The following SLC8A1 variants were observed in gnomAD, a reference collection of about 807,000 sequenced individuals.
SLC8A1 encodes the protein solute carrier family 8 member A1, also known as sodium/calcium exchanger 1.
A neutral mutation model predicts 68.3 loss-of-function variants in SLC8A1; 18 were observed. The ratio of observed to expected loss-of-function variants is 0.26; its 90% CI spans 0.18 to 0.39. The LOEUF (loss-of-function observed/expected upper bound fraction) is 0.39. Ranked by LOEUF, SLC8A1 falls within the 10% of genes least tolerant of loss-of-function variation. The pLI is 1.00. For synonymous variants in SLC8A1, 475 were observed against 415.5 expected (o/e 1.14, Z -1.74); for missense variants, 985 against 1,156.7 (o/e 0.85, Z 2.15).
intron 2 of SLC8A1, among the ~76,000 whole-genome samples, chr2:40,284,112 C>G (rs1342776972): frequency 6.6e-6 from 1 of 152,016 alleles, no homozygotes; most frequent in African/African-American, 2.4e-5. Flanking sequence ...AAGTCTTGCA[C>G]ACGAATTACA....
At chr2:40,503,487 G>C (rs914293505) in intron 1 of SLC8A1, among the ~76,000 whole-genome samples, 3 of 151,950 alleles carry the variant, frequency 2.0e-5, no homozygotes, top group African/African-American at 7.2e-5. Flanking sequence ...GATATAAAGG[G>C]CATCCATATT....
At chr2:40,278,573 G>A (rs1471747072) in intron 2 of SLC8A1, among the ~76,000 whole-genome samples, 4 of 152,158 alleles carry the variant, frequency 2.6e-5, no homozygotes, top group Non-Finnish European at 5.9e-5. Context: ...TCATTCACAT[G>A]TGCAAATAAA....
intron 2 of SLC8A1, among the ~76,000 whole-genome samples, chr2:40,306,069 C>T (rs1426611244): frequency 1.3e-5 from 2 of 152,156 alleles, no homozygotes; most frequent in Non-Finnish European, 2.9e-5. Context: ...ACTGTCTATT[C>T]TGGGATGCTC....
chr2:40,430,266 C>T, exon 2 of SLC8A1: 1 of 1,610,728 alleles, frequency 6.2e-7, no homozygotes, highest in South Asian at 1.1e-5. Flanking sequence ...GACTTAATCG[C>T]CGCATGTTGT....
intron 2 of SLC8A1, among the ~76,000 whole-genome samples, chr2:40,236,373 T>C (rs1460249138): frequency 1.3e-5 from 2 of 152,208 alleles, no homozygotes; most frequent in African/African-American, 4.8e-5. Context: ...TTTGTCTCTT[T>C]TGATCTTTGT....
At chr2:40,191,826 A>T (rs1032037463) in intron 2 of SLC8A1, among the ~76,000 whole-genome samples, 1 of 152,078 alleles carries the variant, frequency 6.6e-6, no homozygotes, top group South Asian at 2.1e-4. Context: ...GCGAATCTTC[A>T]CCCCTATTTC....
intron 1 of SLC8A1, among the ~76,000 whole-genome samples, chr2:40,498,930 G>T (rs1016431924): frequency 1.3e-5 from 2 of 151,916 alleles, no homozygotes; most frequent in African/African-American, 4.8e-5. Context: ...CTGTCAACTC[G>T]CTCAACATAC....
chr2:40,203,459 T>G lies in SLC8A1; in HGVS notation c.1809-25604A>C, dbSNP rs1301516685. ...TGCCAGCAAAACCTAAACAGAAATG[T>G]TTTACATCCATAAACTACTCCCAAA... On this transcript the variant is annotated intron_variant, in intron 2 of 7. Coordinates refer to ENST00000406785, the Ensembl canonical transcript of SLC8A1. 4.6e-5 allele frequency among the ~76,000 whole-genome samples: 7 copies of G among 151,976 alleles called. No homozygotes were observed. The East Asian group carries it at 1.2e-3, about 25-fold the overall frequency.
chr2:40,322,906 T>C (rs1028659243), intron 2 of SLC8A1, among the ~76,000 whole-genome samples: 12 of 151,898 alleles, frequency 7.9e-5, no homozygotes, highest in Non-Finnish European at 4.4e-5. Context: ...CTCTCTCTGG[T>C]AGGTTTTATA....
At chr2:40,311,813 A>G (rs1396624723) in intron 2 of SLC8A1, among the ~76,000 whole-genome samples, 1 of 152,120 alleles carries the variant, frequency 6.6e-6, no homozygotes, top group Non-Finnish European at 1.5e-5. Context: ...AGACTGGTTC[A>G]TTATCAGTTT....
intron 2 of SLC8A1, among the ~76,000 whole-genome samples, chr2:40,245,459 C>G (rs1037075862): frequency 1.3e-5 from 2 of 152,166 alleles, no homozygotes; most frequent in African/African-American, 4.8e-5. Flanking sequence ...GGCATTTTCT[C>G]AGGACAGAGT....
At position 40,216,749 on chromosome 2, in the gene SLC8A1, A is replaced by G. The variant is rs1483160009; in HGVS notation, c.1809-38894T>C. On this transcript the variant is annotated intron_variant, in intron 2 of 7. Coordinates refer to ENST00000406785, the Ensembl canonical transcript of SLC8A1. ...GGTTTTGATTTGCATTTCTCTAATG[A>G]CCAGTGATGTTGGGCTTCTTTTCAT... is the stretch of plus-strand genomic sequence containing the variant. Among the ~76,000 whole-genome samples the G allele has an allele frequency of 3.3e-5, 5 of 152,322 alleles. No individual in the cohort carries two copies. In the East Asian group the frequency reaches 9.6e-4, roughly 29 times the overall value.
intron 2 of SLC8A1, among the ~76,000 whole-genome samples, chr2:40,338,119 C>T (rs965557372): frequency 1.3e-5 from 2 of 152,068 alleles, no homozygotes; most frequent in Non-Finnish European, 2.9e-5. Flanking sequence ...TTCTCCCTCT[C>T]CCTCTCTCTC....
At chr2:40,476,748 CAGGGATAGATCATATAGGG>C (rs1704317582) in intron 1 of SLC8A1, among the ~76,000 whole-genome samples, 3 of 152,118 alleles carry the variant, frequency 2.0e-5, no homozygotes, top group African/African-American at 7.2e-5. Context: ...TGGCATAGCT[CAGGGATAGATCATATAGGG>C]CCTTGAACAC....
chr2:40,481,467 G>C (rs546015130), intron 1 of SLC8A1, among the ~76,000 whole-genome samples: 7 of 152,142 alleles, frequency 4.6e-5, no homozygotes, highest in Non-Finnish European at 7.4e-5. Context: ...ATAAAAATAA[G>C]AGTGTCACTT....
At chr2:40,344,290 C>A (rs1449354532) in intron 2 of SLC8A1, among the ~76,000 whole-genome samples, 1 of 152,108 alleles carries the variant, frequency 6.6e-6, no homozygotes, top group East Asian at 1.9e-4. Context: ...GCACTATTTG[C>A]CTGGGATTTT....
intron 2 of SLC8A1, among the ~76,000 whole-genome samples, chr2:40,419,592 A>G (rs1694901439): frequency 6.6e-6 from 1 of 152,006 alleles, no homozygotes; most frequent in South Asian, 2.1e-4. Flanking sequence ...CAGGTGATAT[A>G]CAAATCCCAG....
At chr2:40,363,847 C>A (rs769957737) in intron 2 of SLC8A1, among the ~76,000 whole-genome samples, 2 of 151,992 alleles carry the variant, frequency 1.3e-5, no homozygotes, top group Non-Finnish European at 2.9e-5. Context: ...TGACTCTGAA[C>A]AGTCACATTA....
At chr2:40,315,852 GA>G (rs1294904010) in intron 2 of SLC8A1, among the ~76,000 whole-genome samples, 2 of 151,956 alleles carry the variant, frequency 1.3e-5, no homozygotes, top group African/African-American at 4.8e-5. Flanking sequence ...ACAAAAGGGG[GA>G]AAATACTCAA....
Sources: allele counts gnomAD v4.1 joint callset (sites outside exome capture counted in the v4.1 genomes callset), GRCh38; gene constraint gnomAD v4.1.1; transcripts MANE v1.5; gene names NCBI Gene and HGNC (gene_info 2026-07-23, HGNC 2026-07-21).